GUCY1B1: variants seen among roughly 807,000 people sequenced by gnomAD.
The protein encoded by GUCY1B1 is guanylate cyclase 1 soluble subunit beta 1.
A neutral mutation model predicts 71.0 loss-of-function variants in GUCY1B1; 43 were observed. The ratio of observed to expected loss-of-function variants is 0.61; its 90% CI spans 0.47 to 0.78. The LOEUF (loss-of-function observed/expected upper bound fraction) is 0.78. Ranked by LOEUF, GUCY1B1 falls within the 30% of genes least tolerant of loss-of-function variation. The probability of loss-of-function intolerance (pLI) is 0.00; values close to 1 mark genes in which losing one functional copy is unlikely to be tolerated. For missense variants in GUCY1B1, 535 were observed against 754.1 expected, an observed-to-expected ratio of 0.71 and a Z score of 3.40; for synonymous variants, 266 against 259.7, an observed-to-expected ratio of 1.02 and a Z score of -0.23.
At chr4:155,788,336 A>T (rs934833483) in intron 4 of GUCY1B1, among the ~76,000 whole-genome samples, 4 of 152,198 alleles carry the variant, frequency 2.6e-5, no homozygotes, top group African/African-American at 7.2e-5. Context: ...ACCTCTCTCC[A>T]GTCCTTCAAC....
intron 8 of GUCY1B1, among the ~76,000 whole-genome samples, chr4:155,797,457 A>G (rs1405490158): frequency 6.6e-6 from 1 of 152,130 alleles, no homozygotes; most frequent in Non-Finnish European, 1.5e-5. Context: ...AGAATAATAT[A>G]TTGTTGGCAC....
At chr4:155,783,493 G>A (rs977048949) in intron 4 of GUCY1B1, among the ~76,000 whole-genome samples, 68 of 152,160 alleles carry the variant, frequency 4.5e-4, no homozygotes, top group African/African-American at 1.5e-3. Context: ...ATTATTTGCT[G>A]GAGACACTGG....
At chr4:155,799,713 G>C (rs1389311614) in intron 8 of GUCY1B1, among the ~76,000 whole-genome samples, 164 bp from the exon 9 acceptor site, 1 of 152,100 alleles carries the variant, frequency 6.6e-6, no homozygotes, top group Admixed American at 6.6e-5. Flanking sequence ...ATATCTAAGA[G>C]AATAAACTCA....
intron 4 of GUCY1B1, among the ~76,000 whole-genome samples, chr4:155,788,181 G>A (rs1738924976): frequency 6.6e-6 from 1 of 152,160 alleles, no homozygotes; most frequent in East Asian, 1.9e-4. Flanking sequence ...CTGGTGGGAC[G>A]GGACTGTGTT....
rs778592148 is a variant in GUCY1B1 at position 155,807,479 on chromosome 4, G to A, written c.*1070G>A. On this transcript the variant is annotated 3_prime_UTR_variant, in exon 14 of 14. Transcript: ENST00000264424. The stretch of plus-strand genomic sequence containing the variant: ...TATAAAATAGAGTGCAACTACTTTT[G>A]TGTAAAAATGTTTGCCTTTAAATTT... 6 of 152,026 alleles carry A rather than the reference G, an allele frequency of 3.9e-5. No individual in the cohort carries two copies. Among genetic ancestry groups the A allele is most frequent in the Admixed American group, 6.6e-5 (1 of 15,228 alleles). The allele number at this position is 152,026 out of a possible 1,614,324, so 9.4% of individuals were successfully genotyped here. A position where few individuals can be genotyped will look rare whatever the true frequency, so the allele number is the denominator to read the frequency against.
At chr4:155,775,195 G>T (rs1737959697) in intron 3 of GUCY1B1, 127 bp downstream of exon 3, 1 of 665,502 alleles carries the variant, frequency 1.5e-6, no homozygotes, top group Non-Finnish European at 2.7e-6. Context: ...GCATAGTTGT[G>T]TGGTGGGCAT....
At chr4:155,763,087 C>T (rs1267211362) in intron 2 of GUCY1B1, among the ~76,000 whole-genome samples, 1 of 152,118 alleles carries the variant, frequency 6.6e-6, no homozygotes, top group Non-Finnish European at 1.5e-5. Context: ...AGAAAAGCAC[C>T]TAAATACTTG....
In GUCY1B1 at chr4:155,805,149, C is replaced by T. The variant is rs1014824281; in HGVS notation, c.1756C>T (p.His586Tyr). ...TTCAGATCCACAATTCCACTTGGAG[C>T]ACAGAGGCCCAGTGTCCATGAAGGG... ...ENSDPQFHLE[H>Y]RGPVSMKGKK... Residue 586 changes from histidine (H) to tyrosine (Y), a missense_variant, in exon 13 of 14, where the codon CAC becomes TAC. By Grantham distance (83) the His-to-Tyr change is moderately conservative (BLOSUM62 2). Coordinates refer to ENST00000264424, the MANE Select transcript of GUCY1B1 (RefSeq NM_000857.5). The T allele has an allele frequency of 1.2e-6, 2 of 1,611,466 alleles. No homozygotes were observed. The highest frequency in any genetic ancestry group is 1.7e-6 in the Non-Finnish European group (2 of 1,178,080).
intron 4 of GUCY1B1, chr4:155,785,336 GT>G: frequency 7.5e-7 from 1 of 1,327,716 alleles, no homozygotes; most frequent in Non-Finnish European, 1.0e-6. Flanking sequence ...CAATGTAAGA[GT>G]TTACATTTTT....
In GUCY1B1 at chr4:155,793,975, A is replaced by G; in HGVS notation, c.615A>G (p.Glu205=). Residue 205 remains glutamate, a synonymous_variant, in exon 6 of 14, where the codon GAA becomes GAG. Coordinates refer to ENST00000264424, the MANE Select transcript of GUCY1B1 (RefSeq NM_000857.5). The part of the protein sequence containing the change: ...LDRFEENGTQ[E]SRISPYTFCK... ...GATTTGAAGAAAATGGTACCCAGGA[A>G]TCACGCATCAGCCCATATACATTCT... is the stretch of plus-strand genomic sequence containing the variant. 6.2e-7 allele frequency: 1 copy of G among 1,609,268 alleles called. No individual in the cohort carries two copies. Among genetic ancestry groups the G allele is most frequent in the Non-Finnish European group, 8.5e-7 (1 of 1,175,534 alleles).
At chr4:155,781,576 G>C (rs1245923574) in intron 4 of GUCY1B1, among the ~76,000 whole-genome samples, 1 of 150,834 alleles carries the variant, frequency 6.6e-6, no homozygotes, top group Non-Finnish European at 1.5e-5. Flanking sequence ...AAATATAATG[G>C]GATATATTTA....
intron 9 of GUCY1B1, among the ~76,000 whole-genome samples, chr4:155,800,905 C>T (rs1001038673): frequency 6.6e-6 from 1 of 152,122 alleles, no homozygotes; most frequent in African/African-American, 2.4e-5. Flanking sequence ...GTTTGAGTTA[C>T]TCAATATTCT....
intron 2 of GUCY1B1, among the ~76,000 whole-genome samples, chr4:155,765,658 A>G (rs1737284035): frequency 6.6e-6 from 1 of 152,190 alleles, no homozygotes; most frequent in South Asian, 2.1e-4. Flanking sequence ...TGAAATATGA[A>G]ATTGTTAAAT....
Position 155,802,667 on chromosome 4 carries a change from T to G in GUCY1B1, c.1413+88T>G. The G allele has an allele frequency of 8.5e-7, 1 of 1,173,312 alleles. No homozygotes were observed. The highest frequency in any genetic ancestry group is 1.6e-5 in the South Asian group (1 of 62,540). 72.7% of individuals were successfully genotyped at this position (1,173,312 alleles called of 1,614,324 possible). A position where few individuals can be genotyped will look rare whatever the true frequency, so the allele number is the denominator to read the frequency against. ...CAGAGGCCATGTCATCACAGCTCTC[T>G]GACTCCAGCACTGCAGCCTTGAGTA... On this transcript the variant is annotated intron_variant, in intron 10 of 13. Transcript: ENST00000264424. This position sits in a 1 kb window ranked among gnomAD's most constrained non-coding sequence, Gnocchi z 4.3.
chr4:155,804,578 CT>C lies in GUCY1B1; in HGVS notation c.1555-12del, dbSNP rs778737986. ...AGTGATCAAAATGATTGAAGCAAAG[CT>C]TTCTTTTTTGCAGATAACAATAGGG... is the stretch of plus-strand genomic sequence containing the variant. On this transcript the variant is annotated splice_polypyrimidine_tract_variant and intron_variant, in intron 11 of 13. Coordinates refer to ENST00000264424, the MANE Select transcript of GUCY1B1 (RefSeq NM_000857.5). 7 of 1,589,030 alleles carry C rather than the reference CT, an allele frequency of 4.4e-6. No homozygotes were observed. The South Asian group carries it at 8.1e-5, about 18-fold the overall frequency.
At chr4:155,775,826 A>C (rs1441101613) in intron 3 of GUCY1B1, among the ~76,000 whole-genome samples, 1 of 151,336 alleles carries the variant, frequency 6.6e-6, no homozygotes, top group African/African-American at 2.5e-5. Context: ...CAAAGTTTTA[A>C]AAATTTCATG....
intron 10 of GUCY1B1, 30 bp from the exon 11 acceptor site, chr4:155,803,594 C>A (rs752767968): frequency 1.4e-6 from 2 of 1,403,386 alleles, no homozygotes; most frequent in Non-Finnish European, 1.9e-6. Flanking sequence ...TTTATGCTAA[C>A]CGTGAACATC....
At chr4:155,797,174 A>C (rs1739613062) in intron 8 of GUCY1B1, among the ~76,000 whole-genome samples, 1 of 152,210 alleles carries the variant, frequency 6.6e-6, no homozygotes. Flanking sequence ...ACAATAGAAA[A>C]GATAACTGTG....
chr4:155,762,426 A>C (rs527261642), intron 2 of GUCY1B1, among the ~76,000 whole-genome samples: 1 of 152,248 alleles, frequency 6.6e-6, no homozygotes, highest in Non-Finnish European at 1.5e-5. Flanking sequence ...TTTACATTAT[A>C]CTTTTTTGCT....
Sources: allele counts gnomAD v4.1 joint callset (sites outside exome capture counted in the v4.1 genomes callset), GRCh38; gene constraint gnomAD v4.1.1; non-coding constraint Gnocchi (gnomAD v3.1); transcripts MANE v1.5; gene names NCBI Gene and HGNC (gene_info 2026-07-23, HGNC 2026-07-21).